The following GPAM variants were observed in gnomAD, a reference collection of about 807,000 sequenced individuals.
GPAM encodes glycerol-3-phosphate acyltransferase, mitochondrial.
Under a neutral mutation model 105.0 loss-of-function variants are expected in GPAM, and 56 were observed. The observed-to-expected ratio is 0.53, with a 90% confidence interval of 0.43 to 0.67. GPAM has a LOEUF of 0.67. Ranked by LOEUF, GPAM falls within the 30% of genes least tolerant of loss-of-function variation. GPAM has a pLI of 0.00. For missense variants in GPAM, 855 were observed against 989.8 expected (o/e 0.86, Z 1.83); for synonymous variants, 368 against 354.4 (o/e 1.04, Z -0.43).
At position 112,194,401 on chromosome 10, in the gene GPAM, G is replaced by A. The variant is rs577239592; in HGVS notation, n.211-11510C>T. 2.0e-5 allele frequency among the ~76,000 whole-genome samples: 3 copies of A among 152,290 alleles called. No homozygotes were observed. The East Asian group carries it at 5.8e-4, about 29-fold the overall frequency. ...GGCTACACTATATAACATTTTAAAA[G>A]GTTGTCTTTGCTGTGCTTAAAATTG... On this transcript the variant is annotated intron_variant and non_coding_transcript_variant, in intron 1 of 3. Coordinates refer to the GPAM transcript ENST00000480130.
intron 1 of GPAM, among the ~76,000 whole-genome samples, chr10:112,201,003 G>A (rs1467295422): frequency 6.6e-6 from 1 of 152,170 alleles, no homozygotes; most frequent in Non-Finnish European, 1.5e-5. Context: ...ATGCTTATCT[G>A]GTGGTCTTAT....
chr10:112,225,106 GT>G, the GPAM span, among the ~76,000 whole-genome samples: 1 of 152,172 alleles, frequency 6.6e-6, no homozygotes, highest in East Asian at 1.9e-4. Flanking sequence ...GGCCCCAGGG[GT>G]CTCCGCCAGA....
chr10:112,173,177 A>C, intron 7 of GPAM, 111 bp from the exon 8 acceptor site: 2 of 728,350 alleles, frequency 2.7e-6, no homozygotes, highest in Non-Finnish European at 5.0e-6. Context: ...CTACAACCTC[A>C]AAGTACTTGT....
chr10:112,215,171 T>C (rs1241864635), exon 1 of GPAM: 1 of 152,216 alleles, frequency 6.6e-6, no homozygotes, highest in Non-Finnish European at 1.5e-5. Flanking sequence ...TAAATACCTG[T>C]ATCCTTGACT....
chr10:112,168,464 A>C lies in GPAM; in HGVS notation c.955T>G (p.Ser319Ala), dbSNP rs375649781. Residue 319 changes from serine (S) to alanine (A), a missense_variant, in exon 11 of 22, where the codon TCT (serine) becomes GCT (alanine). Physicochemically the swap from Ser to Ala is moderately conservative, Grantham distance 99. Coordinates refer to ENST00000348367, the MANE Select transcript of GPAM (RefSeq NM_001244949.2). ...FLEIFLEGTRSRSGKTSCARA... is the reference protein window; with the variant it reads ...FLEIFLEGTRARSGKTSCARA... ...GCACAAGAGGTTTTTCCACTCCTAG[A>C]ACGTGTGCCTTCCAGGAAGATCTCC... is the stretch of plus-strand genomic sequence containing the variant. The C allele has an allele frequency of 6.2e-7, 1 of 1,613,176 alleles. No individual in the cohort carries two copies.
chr10:112,219,044 G>C (rs764790940), upstream of GPAM, among the ~76,000 whole-genome samples: 2 of 152,102 alleles, frequency 1.3e-5, no homozygotes, highest in Non-Finnish European at 2.9e-5. Context: ...TAACCTCTTG[G>C]GAATTCAGCC....
At chr10:112,208,932 T>G (rs1403697871) in intron 1 of GPAM, among the ~76,000 whole-genome samples, 1 of 152,170 alleles carries the variant, frequency 6.6e-6, no homozygotes, top group Non-Finnish European at 1.5e-5. Flanking sequence ...GTCTGGAATG[T>G]GGGTGCCATG....
chr10:112,151,897 C>T lies in GPAM; in HGVS notation c.*1653G>A. 3 of 979,056 alleles carry T rather than the reference C, an allele frequency of 3.1e-6. No homozygotes were observed. The highest frequency in any genetic ancestry group is 4.7e-5 in the South Asian group (1 of 21,160). The allele number at this position is 979,056 out of a possible 1,614,324, so 60.6% of individuals were successfully genotyped here. A position where few individuals can be genotyped will look rare whatever the true frequency, so the allele number is the denominator to read the frequency against. The stretch of plus-strand genomic sequence containing the variant: ...GATATCTCATTCAACATCAGAGCTA[C>T]TACAACTGACAATGACTTCATGGTA... On this transcript the variant is annotated 3_prime_UTR_variant, in exon 22 of 22. Transcript: ENST00000348367.
At chr10:112,201,746 T>C (rs1847799851) in intron 1 of GPAM, among the ~76,000 whole-genome samples, 1 of 152,264 alleles carries the variant, frequency 6.6e-6, no homozygotes. Context: ...GATTTTTTTT[T>C]CTTGACCATT....
chr10:112,186,458 T>C (rs1054113355), upstream of GPAM, among the ~76,000 whole-genome samples: 1 of 152,098 alleles, frequency 6.6e-6, no homozygotes, highest in Non-Finnish European at 1.5e-5. Flanking sequence ...TCTGAATCTA[T>C]GCAAAGGAAT....
At position 112,156,053 on chromosome 10, in the gene GPAM, C is replaced by T. The variant is rs763053101; in HGVS notation, c.2122G>A (p.Val708Met). 2 of 1,608,520 alleles carry T rather than the reference C, an allele frequency of 1.2e-6. No homozygotes were observed. The highest frequency in any genetic ancestry group is 1.7e-5 in the Admixed American group (1 of 59,800). Reference protein sequence around the residue: ...GEEQRDCYLKVSQSKEHQQFI... With the variant: ...GEEQRDCYLKMSQSKEHQQFI... ...TGCTGGTGCTCCTTGGATTGGCTCA[C>T]CTGAGTGTGCAAAAGCAGGAGATGA... The change falls in exon 20 of 22, where the codon GTG becomes ATG. Residue 708 changes from valine to methionine, a missense_variant and splice_region_variant. By Grantham distance (21) the Val-to-Met change is conservative (BLOSUM62 1). Transcript: ENST00000348367.
chr10:112,166,564 T>C (rs755787014), intron 11 of GPAM, 49 bp from the exon 12 acceptor site: 3 of 951,686 alleles, frequency 3.2e-6, no homozygotes, highest in Admixed American at 3.4e-5. Context: ...AGCCAACACA[T>C]ACACAAACAT....
the GPAM span, among the ~76,000 whole-genome samples, chr10:112,226,172 C>T: frequency 1.3e-5 from 2 of 152,118 alleles, no homozygotes; most frequent in Non-Finnish European, 2.9e-5. Flanking sequence ...GTTTGGGTTT[C>T]CAATTGCTTC....
intron 1 of GPAM, among the ~76,000 whole-genome samples, chr10:112,199,313 C>A (rs904682182): frequency 6.6e-6 from 1 of 152,070 alleles, no homozygotes; most frequent in Non-Finnish European, 1.5e-5. Flanking sequence ...GACAAATATG[C>A]ATAATCTCAC....
chr10:112,159,503 G>GT (rs1004497349), intron 17 of GPAM, among the ~76,000 whole-genome samples: 1 of 152,092 alleles, frequency 6.6e-6, no homozygotes, highest in African/African-American at 2.4e-5. Context: ...GATTACAGGC[G>GT]TGAGCCACCG....
At chr10:112,167,636 C>T (rs1374800187) in intron 11 of GPAM, among the ~76,000 whole-genome samples, 2 of 152,146 alleles carry the variant, frequency 1.3e-5, no homozygotes, top group Non-Finnish European at 2.9e-5. Context: ...ATCCAATTTA[C>T]GTAAGTGCAA....
At chr10:112,213,839 G>C (rs1847940064) in intron 1 of GPAM, among the ~76,000 whole-genome samples, 1 of 152,080 alleles carries the variant, frequency 6.6e-6, no homozygotes, top group Admixed American at 6.5e-5. Flanking sequence ...GGCCCAAGAG[G>C]CACACAGGAT....
the GPAM span, among the ~76,000 whole-genome samples, chr10:112,227,195 A>C: frequency 6.6e-6 from 1 of 152,122 alleles, no homozygotes; most frequent in Admixed American, 6.5e-5. Flanking sequence ...TCTAATCAAC[A>C]CAGCATCTTC....
intron 1 of GPAM, among the ~76,000 whole-genome samples, chr10:112,197,574 T>C (rs113956263): frequency 0.036 from 5,405 of 150,612 alleles, 119 homozygotes; most frequent in East Asian, 0.086. Flanking sequence ...GCCATGCTGG[T>C]GCGCTGCACC....
Sources: allele counts gnomAD v4.1 joint callset (sites outside exome capture counted in the v4.1 genomes callset), GRCh38; gene constraint gnomAD v4.1.1; transcripts MANE v1.5; gene names NCBI Gene and HGNC (gene_info 2026-07-23, HGNC 2026-07-21).